The following G3BP2 variants were observed in gnomAD, a reference collection of about 807,000 sequenced individuals.
The protein encoded by G3BP2 is ras GTPase-activating protein-binding protein 2.
G3BP2 carries 11 observed loss-of-function variants against 56.7 expected under a neutral mutation model. The observed-to-expected ratio is 0.19, with a 90% CI of 0.12 to 0.32. The LOEUF is 0.32. G3BP2 is among the 10% of genes least tolerant of loss of function. G3BP2 has a pLI of 1.00. For synonymous variants in G3BP2, 165 were observed against 191.6 expected, an observed-to-expected ratio of 0.86 and a Z score of 1.15; for missense variants, 340 against 610.9, an observed-to-expected ratio of 0.56 and a Z score of 4.67.
intron 3 of G3BP2, chr4:75,695,079 G>A (rs1235722120): frequency 4.3e-6 from 1 of 232,844 alleles, no homozygotes; most frequent in East Asian, 1.8e-4. Flanking sequence ...ATGGGCTTGG[G>A]AAAAAACACA....
intron 3 of G3BP2, among the ~76,000 whole-genome samples, chr4:75,696,567 A>G (rs1719128426): frequency 6.6e-6 from 1 of 152,156 alleles, no homozygotes; most frequent in Non-Finnish European, 1.5e-5. Flanking sequence ...CAGGCTGCCT[A>G]TGAAGAAAGG....
At chr4:75,673,642 G>C (rs984873425), upstream of G3BP2, 3 of 1,229,930 alleles carry the variant, frequency 2.4e-6, no homozygotes, top group African/African-American at 3.1e-5. Context: ...CCGCTGATTT[G>C]ACGTCACAAG....
intron 3 of G3BP2, among the ~76,000 whole-genome samples, chr4:75,709,781 C>A (rs983557326): frequency 6.6e-6 from 1 of 151,898 alleles, no homozygotes; most frequent in African/African-American, 2.4e-5. Context: ...GGGATCCTTC[C>A]ACCTCAGCCT....
intron 3 of G3BP2, among the ~76,000 whole-genome samples, chr4:75,695,628 G>A (rs1419927481): frequency 6.6e-6 from 1 of 152,140 alleles, no homozygotes; most frequent in East Asian, 1.9e-4. Context: ...ATTTAAGGGA[G>A]GGAGGGAAAG....
chr4:75,652,172 T>C (rs924523871), intron 8 of G3BP2, among the ~76,000 whole-genome samples: 2 of 152,202 alleles, frequency 1.3e-5, no homozygotes, highest in African/African-American at 4.8e-5. Flanking sequence ...TACAACTAAC[T>C]TTGAAAATAT....
In G3BP2 at chr4:75,656,910, C is replaced by T; in HGVS notation, c.442+14G>A. The T allele has an allele frequency of 8.0e-7, 1 of 1,243,744 alleles. No homozygotes were observed. The highest frequency in any genetic ancestry group is 1.2e-6 in the Non-Finnish European group (1 of 850,016). 77.0% of individuals were successfully genotyped at this position (1,243,744 alleles called of 1,614,324 possible). On this transcript the variant is annotated intron_variant, in intron 5 of 11. Transcript: ENST00000359707. ...CAGAACCCTTCTATCTTCATATCTTCAAAGTAACCTCACCTTCATCAAGTT... is the reference window on the plus strand; with the variant it reads ...CAGAACCCTTCTATCTTCATATCTTTAAAGTAACCTCACCTTCATCAAGTT...
intron 3 of G3BP2, among the ~76,000 whole-genome samples, chr4:75,679,663 G>T (rs139462609): frequency 2.6e-5 from 4 of 152,110 alleles, no homozygotes; most frequent in African/African-American, 7.2e-5. Flanking sequence ...GAGAACAAAG[G>T]TTGCAAGTTC....
intron 1 of G3BP2, among the ~76,000 whole-genome samples, chr4:75,662,832 T>C (rs552704557): frequency 6.6e-6 from 1 of 152,282 alleles, no homozygotes; most frequent in African/African-American, 2.4e-5. Flanking sequence ...TGGATTCCAG[T>C]GGTTTTATCC....
At chr4:75,685,469 C>A (rs867658996) in intron 3 of G3BP2, among the ~76,000 whole-genome samples, 3 of 148,926 alleles carry the variant, frequency 2.0e-5, no homozygotes, top group South Asian at 2.1e-4. Context: ...TCACTGCACT[C>A]CAACCTGGGG....
intron 1 of G3BP2, chr4:75,672,585 G>C (rs1163725680): frequency 1.3e-5 from 2 of 152,228 alleles, no homozygotes; most frequent in East Asian, 1.9e-4. Context: ...CGGAACACTA[G>C]GTACTGGGTA....
intron 8 of G3BP2, 86 bp from the exon 9 acceptor site, chr4:75,648,827 G>C (rs535498115): frequency 2.1e-5 from 15 of 708,452 alleles, no homozygotes; most frequent in Non-Finnish European, 3.5e-5. Context: ...GTCACTAGCA[G>C]ACATAACAGT....
chr4:75,673,731 G>T, upstream of G3BP2: 1 of 663,016 alleles, frequency 1.5e-6, no homozygotes, highest in Non-Finnish European at 2.1e-6. Context: ...CTGGTTCGCA[G>T]CAACGCAGTG....
intron 2 of G3BP2, 165 bp downstream of exon 2, chr4:75,661,766 G>A (rs1732584531): frequency 1.8e-6 from 1 of 561,028 alleles, no homozygotes; most frequent in South Asian, 2.6e-5. Context: ...GTGAGTTGCA[G>A]TTAAAAACAC....
chr4:75,706,639 T>TG (rs1719556153), intron 3 of G3BP2, among the ~76,000 whole-genome samples: 1 of 145,532 alleles, frequency 6.9e-6, no homozygotes, highest in Admixed American at 7.2e-5. Flanking sequence ...ATCGTGCCAT[T>TG]GCACTCCAGG....
At chr4:75,707,061 G>A (rs1162370345) in intron 3 of G3BP2, among the ~76,000 whole-genome samples, 9 of 151,520 alleles carry the variant, frequency 5.9e-5, no homozygotes, top group Admixed American at 4.6e-4. Flanking sequence ...GCGTGGTGGC[G>A]CATGCCTGTA....
At chr4:75,674,716 A>AT (rs1379462396), upstream of G3BP2, among the ~76,000 whole-genome samples, 97 of 53,048 alleles carry the variant, frequency 1.8e-3, no homozygotes, top group Non-Finnish European at 2.5e-3. Flanking sequence ...ATATATATAT[A>AT]TATTTTTTTT....
intron 2 of G3BP2, among the ~76,000 whole-genome samples, chr4:75,659,201 C>T (rs1732353104): frequency 6.6e-6 from 1 of 152,200 alleles, no homozygotes; most frequent in African/African-American, 2.4e-5. Flanking sequence ...TAGATATTCA[C>T]ATCTATTTTT....
intron 3 of G3BP2, among the ~76,000 whole-genome samples, chr4:75,702,129 G>T (rs1309296345): frequency 6.7e-6 from 1 of 149,804 alleles, no homozygotes; most frequent in African/African-American, 2.5e-5. Flanking sequence ...TTTCCTATAA[G>T]TGCCGTTCCC....
intron 1 of G3BP2, among the ~76,000 whole-genome samples, chr4:75,671,871 G>A (rs1209108363): frequency 6.6e-6 from 1 of 152,166 alleles, no homozygotes; most frequent in Non-Finnish European, 1.5e-5. Context: ...GATGCTAACA[G>A]GGCCAAAAGT....
Sources: gnomAD v4.1 joint callset for allele counts (sites outside exome capture counted in the v4.1 genomes callset) on GRCh38, gnomAD v4.1.1 for gene constraint, MANE v1.5 for transcripts, NCBI Gene and HGNC (gene_info 2026-07-23, HGNC 2026-07-21) for gene names.